The following C12orf56 variants were observed in gnomAD, a reference collection of about 807,000 sequenced individuals.
C12orf56 encodes uncharacterized protein C12orf56.
Under a neutral mutation model 69.9 loss-of-function variants are expected in C12orf56, and 71 were observed. The observed-to-expected ratio is 1.02, with a 90% confidence interval of 0.84 to 1.24. C12orf56 has a LOEUF of 1.24. C12orf56 is among the 50% of genes most tolerant of loss of function. C12orf56 has a pLI of 0.00. For synonymous variants in C12orf56, 276 were observed against 274.1 expected (o/e 1.01, Z -0.07); for missense variants, 732 against 738.5 (o/e 0.99, Z 0.10).
At chr12:64,301,391 C>T (rs919113520) in intron 6 of C12orf56, among the ~76,000 whole-genome samples, 5 of 151,996 alleles carry the variant, frequency 3.3e-5, no homozygotes, top group African/African-American at 1.2e-4. Flanking sequence ...GAAGAAACTC[C>T]TCAGGCCGCC....
intron 1 of C12orf56, among the ~76,000 whole-genome samples, chr12:64,355,424 T>C (rs1371259366): frequency 6.6e-6 from 1 of 152,182 alleles, no homozygotes; most frequent in African/African-American, 2.4e-5. Flanking sequence ...TTTAATTCCA[T>C]TAGTCTTATT....
intron 3 of C12orf56, among the ~76,000 whole-genome samples, chr12:64,320,172 GT>G (rs2038753098): frequency 6.6e-6 from 1 of 152,210 alleles, no homozygotes; most frequent in African/African-American, 2.4e-5. Flanking sequence ...GTTCTCTTCC[GT>G]GACCCACGGC....
intron 2 of C12orf56, among the ~76,000 whole-genome samples, chr12:64,335,640 T>A (rs540809061): frequency 6.6e-6 from 1 of 152,164 alleles, no homozygotes; most frequent in Non-Finnish European, 1.5e-5. Flanking sequence ...GAGATCAGCC[T>A]TGGCAATTCA....
At chr12:64,387,766 C>T (rs886957337) in intron 1 of C12orf56, among the ~76,000 whole-genome samples, 3 of 151,400 alleles carry the variant, frequency 2.0e-5, no homozygotes, top group South Asian at 2.1e-4. Context: ...GAACTGAGAT[C>T]GGGCCACTGC....
intron 5 of C12orf56, among the ~76,000 whole-genome samples, chr12:64,308,940 G>GAAAGAAAGAAAAAAAGA (rs35488127): frequency 1.2e-5 from 1 of 80,828 alleles, no homozygotes; most frequent in African/African-American, 4.6e-5. Context: ...AAGAAAGAAA[G>GAAAGAAAGAAAAAAAGA]AAGAAAGAAA....
chr12:64,297,008 A>C (rs2038375353), intron 6 of C12orf56, among the ~76,000 whole-genome samples: 1 of 152,018 alleles, frequency 6.6e-6, no homozygotes, highest in African/African-American at 2.4e-5. Flanking sequence ...TCATATTCTT[A>C]TAAATTACCA....
At chr12:64,325,120 A>G (rs1323905271) in intron 3 of C12orf56, among the ~76,000 whole-genome samples, 2 of 152,052 alleles carry the variant, frequency 1.3e-5, no homozygotes, top group African/African-American at 4.8e-5. Context: ...ATAAACATGG[A>G]CTTTTGCCAT....
At chr12:64,385,902 G>A (rs935856427) in intron 1 of C12orf56, among the ~76,000 whole-genome samples, 1 of 152,050 alleles carries the variant, frequency 6.6e-6, no homozygotes, top group Non-Finnish European at 1.5e-5. Flanking sequence ...GAATCCATTG[G>A]GCAGTTACAA....
At chr12:64,339,543 G>GT (rs1403175597) in intron 2 of C12orf56, among the ~76,000 whole-genome samples, 2 of 151,902 alleles carry the variant, frequency 1.3e-5, no homozygotes, top group Admixed American at 6.6e-5. Context: ...TCATTTAAGG[G>GT]TTTTTTTAAG....
intron 2 of C12orf56, among the ~76,000 whole-genome samples, chr12:64,341,007 T>C (rs912327083): frequency 1.3e-5 from 2 of 152,216 alleles, no homozygotes; most frequent in African/African-American, 2.4e-5. Flanking sequence ...TACTCTTTCT[T>C]AACTCCATTG....
intron 6 of C12orf56, 58 bp downstream of exon 6, chr12:64,303,577 G>C: frequency 1.5e-6 from 2 of 1,312,424 alleles, no homozygotes; most frequent in South Asian, 1.4e-5. Flanking sequence ...ATGTATGTTT[G>C]TATTTGGTAA....
intron 1 of C12orf56, among the ~76,000 whole-genome samples, chr12:64,379,051 CA>C (rs59633826): frequency 0.37 from 45,074 of 121,386 alleles, 7,029 homozygotes; most frequent in East Asian, 0.56. Context: ...AACCCTGTCT[CA>C]AAAAAAAAAA....
At chr12:64,327,592 C>G (rs1434863096) in intron 3 of C12orf56, among the ~76,000 whole-genome samples, 2 of 152,204 alleles carry the variant, frequency 1.3e-5, no homozygotes, top group Non-Finnish European at 2.9e-5. Context: ...TGTGTGGCCC[C>G]ATTCTGCACA....
At chr12:64,338,457 G>T in intron 2 of C12orf56, 1 of 867,600 alleles carries the variant, frequency 1.2e-6, no homozygotes, top group Non-Finnish European at 2.0e-6. Context: ...GACTTTACCA[G>T]AGGGAAATCT....
intron 6 of C12orf56, among the ~76,000 whole-genome samples, chr12:64,294,543 G>C (rs2038339744): frequency 6.6e-6 from 1 of 152,140 alleles, no homozygotes; most frequent in Non-Finnish European, 1.5e-5. Flanking sequence ...GATTAAACTT[G>C]AGAACATTAT....
intron 6 of C12orf56, among the ~76,000 whole-genome samples, chr12:64,300,917 G>C (rs928963011): frequency 6.6e-6 from 1 of 152,088 alleles, no homozygotes; most frequent in Non-Finnish European, 1.5e-5. Flanking sequence ...CCCCACTGTC[G>C]AGGGAGGGTC....
At position 64,269,171 on chromosome 12, in the gene C12orf56, G is replaced by GT. The variant is rs1301582625; in HGVS notation, c.1763+1364dup. Reference sequence around the variant, plus strand: ...AAAAAAGTCTATAAATTGGACTGTAGTTTTTTTTTAAAAAAAGACAATCTA... The same window carrying GT: ...AAAAAAGTCTATAAATTGGACTGTAGTTTTTTTTTTAAAAAAAGACAATCTA... On this transcript the variant is annotated intron_variant, in intron 12 of 12. Coordinates refer to ENST00000543942, the MANE Select transcript of C12orf56 (RefSeq NM_001170633.2). 1.1e-3 allele frequency among the ~76,000 whole-genome samples: 169 copies of GT among 150,784 alleles called. 1 individual carries two copies. Among genetic ancestry groups the GT allele is most frequent in the African/African-American group, 3.2e-3 (133 of 41,124 alleles).
At chr12:64,375,991 C>T (rs1173941134) in intron 1 of C12orf56, among the ~76,000 whole-genome samples, 2 of 152,196 alleles carry the variant, frequency 1.3e-5, no homozygotes, top group Admixed American at 1.3e-4. Context: ...TGCTGCCAGT[C>T]TGATCTACTA....
intron 6 of C12orf56, among the ~76,000 whole-genome samples, chr12:64,299,858 A>G (rs1184705253): frequency 6.6e-6 from 1 of 152,214 alleles, no homozygotes; most frequent in Non-Finnish European, 1.5e-5. Flanking sequence ...ATAGAACTAC[A>G]TTGTTCAACT....
Sources: allele counts gnomAD v4.1 joint callset (sites outside exome capture counted in the v4.1 genomes callset), GRCh38; gene constraint gnomAD v4.1.1; transcripts MANE v1.5; gene names NCBI Gene and HGNC (gene_info 2026-07-23, HGNC 2026-07-21).